CORIN: variants seen among roughly 807,000 people sequenced by gnomAD.
The protein encoded by CORIN is corin, serine peptidase.
In CORIN, 117 loss-of-function variants were observed where a neutral mutation model predicts 125.3. The ratio of observed to expected loss-of-function variants is 0.93; its 90% CI spans 0.80 to 1.09. CORIN has a LOEUF of 1.09. CORIN is among the 50% of genes least tolerant of loss of function. The pLI is 0.00. For missense variants in CORIN, 1,253 were observed against 1,306.7 expected (o/e 0.96, Z 0.63); for synonymous variants, 450 against 466.4 (o/e 0.96, Z 0.45).
chr4:47,657,428 G>A (rs781162734), intron 12 of CORIN, among the ~76,000 whole-genome samples: 6 of 151,640 alleles, frequency 4.0e-5, no homozygotes, highest in Non-Finnish European at 7.4e-5. Context: ...CCAGCTACTC[G>A]GGAGGCTGAG....
At chr4:47,710,614 C>T (rs1156818069) in intron 5 of CORIN, among the ~76,000 whole-genome samples, 1 of 152,202 alleles carries the variant, frequency 6.6e-6, no homozygotes, top group Non-Finnish European at 1.5e-5. Flanking sequence ...CCTCCTTCCC[C>T]GCTTGTCCTT....
intron 12 of CORIN, among the ~76,000 whole-genome samples, chr4:47,660,697 G>C (rs1195555989): frequency 6.6e-6 from 1 of 152,158 alleles, no homozygotes; most frequent in Non-Finnish European, 1.5e-5. Context: ...CAAGGATGTG[G>C]AGAAAAGGGG....
intron 1 of CORIN, among the ~76,000 whole-genome samples, chr4:47,808,192 A>G (rs1364562436): frequency 1.3e-5 from 2 of 152,114 alleles, no homozygotes; most frequent in Admixed American, 6.5e-5. Flanking sequence ...GTGGAGTCCA[A>G]AGACTCCCCA....
intron 3 of CORIN, among the ~76,000 whole-genome samples, chr4:47,779,003 T>C (rs114834437): frequency 0.025 from 3,865 of 152,264 alleles, 66 homozygotes; most frequent in Middle Eastern, 0.071. Context: ...TGAACTTGTA[T>C]GGGGAAAAAA....
Position 47,763,408 on chromosome 4 carries a change from GA to G in CORIN, c.587del (p.Phe196SerfsTer35). The G allele has an allele frequency of 6.2e-7, 1 of 1,614,024 alleles. No individual in the cohort carries two copies. The highest frequency in any genetic ancestry group is 8.5e-7 in the Non-Finnish European group (1 of 1,179,956). On this transcript the variant is annotated frameshift_variant, in exon 4 of 22. Transcript: ENST00000273857. LOFTEE classifies it high-confidence loss of function. ...CATCGCCATCAATGATGCACTCAGG[GA>G]AGGCGAGGGTACAGCCAAACAGCAT... ...HIMLFGCTLAFPECIIDGDDS... is the reference protein window; with the variant it reads ...HIMLFGCTLAXPECIIDGDDS...
At chr4:47,715,352 T>C (rs1381561057) in intron 5 of CORIN, among the ~76,000 whole-genome samples, 5 of 152,202 alleles carry the variant, frequency 3.3e-5, no homozygotes, top group African/African-American at 1.2e-4. Flanking sequence ...ACATCTGTAA[T>C]CCTAGCATTT....
intron 3 of CORIN, among the ~76,000 whole-genome samples, chr4:47,776,924 C>CA (rs1359659380): frequency 1.3e-5 from 2 of 151,774 alleles, no homozygotes; most frequent in Admixed American, 1.3e-4. Context: ...GAAAACTTTA[C>CA]AAAAAAAGTT....
chr4:47,603,795 T>C, intron 19 of CORIN, 127 bp from the exon 20 acceptor site: 1 of 1,021,694 alleles, frequency 9.8e-7, no homozygotes, highest in Non-Finnish European at 1.4e-6. Context: ...CTCAATGTAT[T>C]CATATAAGTG....
intron 13 of CORIN, among the ~76,000 whole-genome samples, chr4:47,646,368 C>T (rs1212904426): frequency 6.6e-6 from 1 of 152,062 alleles, no homozygotes; most frequent in Admixed American, 6.6e-5. Flanking sequence ...AGTCAGAGAT[C>T]TAAAGTTGGA....
At chr4:47,683,446 C>T (rs1015892788) in intron 7 of CORIN, 1 of 269,604 alleles carries the variant, frequency 3.7e-6, no homozygotes, top group Non-Finnish European at 7.1e-6. Context: ...AAACAGAACA[C>T]ATTTGAGGAG....
chr4:47,741,720 C>T (rs1728405121), intron 5 of CORIN, among the ~76,000 whole-genome samples: 1 of 151,876 alleles, frequency 6.6e-6, no homozygotes, highest in African/African-American at 2.4e-5. Context: ...TATCAATTGA[C>T]AATAAAAATG....
At chr4:47,651,840 C>T (rs1048846944) in intron 13 of CORIN, among the ~76,000 whole-genome samples, 2 of 152,066 alleles carry the variant, frequency 1.3e-5, no homozygotes, top group African/African-American at 4.8e-5. Context: ...TATGATAGTA[C>T]TTTAAGTTTA....
chr4:47,724,680 T>A (rs2109803556), intron 5 of CORIN, among the ~76,000 whole-genome samples: 1 of 152,166 alleles, frequency 6.6e-6, no homozygotes, highest in Non-Finnish European at 1.5e-5. Context: ...ATAAATGTAA[T>A]CTCTACATTA....
At position 47,747,454 on chromosome 4, in the gene CORIN, C is replaced by T. The variant is rs144877653; in HGVS notation, c.618-2871G>A. ...GAACAACACTCTGGAGCCCAACTCT[C>T]CCAAGCAGTTCCTGGACCTTTCCTC... On this transcript the variant is annotated intron_variant, in intron 4 of 21. Transcript: ENST00000273857. 4.4e-3 allele frequency among the ~76,000 whole-genome samples: 663 copies of T among 152,288 alleles called. 1 individual carries two copies. The highest frequency in any genetic ancestry group is 0.014 in the Middle Eastern group (4 of 294).
chr4:47,805,869 G>A (rs1020335228), intron 2 of CORIN, among the ~76,000 whole-genome samples: 3 of 152,194 alleles, frequency 2.0e-5, no homozygotes, highest in Non-Finnish European at 4.4e-5. Context: ...AATGCAATTA[G>A]ATCAGCATCG....
At chr4:47,612,133 T>C (rs1361844742) in intron 19 of CORIN, among the ~76,000 whole-genome samples, 1 of 152,216 alleles carries the variant, frequency 6.6e-6, no homozygotes, top group Non-Finnish European at 1.5e-5. Context: ...TTTTGGTAGA[T>C]ATGGTACCAG....
At chr4:47,685,544 A>C (rs1725472908) in intron 6 of CORIN, among the ~76,000 whole-genome samples, 1 of 152,172 alleles carries the variant, frequency 6.6e-6, no homozygotes, top group African/African-American at 2.4e-5. Context: ...GTGGGAGATA[A>C]ATTTTGGGGG....
intron 16 of CORIN, among the ~76,000 whole-genome samples, chr4:47,631,339 C>T (rs1337264616): frequency 6.6e-6 from 1 of 152,162 alleles, no homozygotes; most frequent in African/African-American, 2.4e-5. Context: ...CAGCTGCTCA[C>T]CATCACAGGC....
intron 1 of CORIN, among the ~76,000 whole-genome samples, chr4:47,809,939 C>T (rs1278909679): frequency 6.6e-6 from 1 of 152,120 alleles, no homozygotes; most frequent in Non-Finnish European, 1.5e-5. Flanking sequence ...CAACCAGAAT[C>T]ATCCTTAAGC....
Sources: gnomAD v4.1 joint callset for allele counts (sites outside exome capture counted in the v4.1 genomes callset) on GRCh38, gnomAD v4.1.1 for gene constraint, MANE v1.5 for transcripts, NCBI Gene and HGNC (gene_info 2026-07-23, HGNC 2026-07-21) for gene names.